The following SNTG1 variants were observed in gnomAD, a reference collection of about 807,000 sequenced individuals.
The protein encoded by SNTG1 is gamma-1-syntrophin.
In SNTG1, 39 loss-of-function variants were observed where a neutral mutation model predicts 74.7. That is an observed-to-expected ratio of 0.52 (90% CI 0.40 to 0.68). SNTG1 has a LOEUF of 0.68. Ranked by LOEUF, SNTG1 falls within the 30% of genes least tolerant of loss-of-function variation. The pLI, the probability that SNTG1 is intolerant of heterozygous loss-of-function variation, is 0.00. For synonymous variants in SNTG1, 254 were observed against 217.1 expected (o/e 1.17, Z -1.49); for missense variants, 685 against 609.5 (o/e 1.12, Z -1.30).
chr8:50,494,279 A>T (rs755497963), intron 8 of SNTG1, among the ~76,000 whole-genome samples: 19 of 152,046 alleles, frequency 1.2e-4, no homozygotes, highest in South Asian at 6.2e-4. Context: ...GCAAAATTTC[A>T]TTTCTCACTT....
intron 18 of SNTG1, among the ~76,000 whole-genome samples, chr8:50,775,098 T>C (rs2095637074): frequency 6.6e-6 from 1 of 151,354 alleles, no homozygotes; most frequent in Non-Finnish European, 1.5e-5. Context: ...ACTTATGATA[T>C]AAAGTGAACA....
intron 13 of SNTG1, among the ~76,000 whole-genome samples, chr8:50,635,206 G>A (rs530130511): frequency 3.3e-5 from 5 of 152,202 alleles, no homozygotes; most frequent in African/African-American, 1.2e-4. Flanking sequence ...ACTAAGCACT[G>A]CCCCTGGGAC....
At chr8:50,054,138 C>G (rs936833994) in intron 1 of SNTG1, among the ~76,000 whole-genome samples, 1 of 152,058 alleles carries the variant, frequency 6.6e-6, no homozygotes. Flanking sequence ...TCTCCAATTT[C>G]AGCATTGGGT....
rs1563761286 is a variant in SNTG1, at chr8:50,701,601, T to TTCTTCTTCTTCTTCTTCTTCC, written c.1039-2982_1039-2981insTTCCTCTTCTTCTTCTTCTTC. ...CTTTTTCTTCCTCTTCTTCTTCTTC[T>TTCTTCTTCTTCTTCTTCTTCC]TCTTCTTCTTCTTCTTCGTGTTCCT... On this transcript the variant is annotated intron_variant, in intron 15 of 18. Transcript: ENST00000642720. Among the ~76,000 whole-genome samples the TTCTTCTTCTTCTTCTTCTTCC allele has an allele frequency of 2.1e-5, 3 of 140,370 alleles. No homozygotes were observed. In the East Asian group the frequency reaches 6.3e-4, roughly 30 times the overall value. 92.1% of individuals were successfully genotyped at this position (140,370 alleles called of 152,430 possible). A position where few individuals can be genotyped will look rare whatever the true frequency, so the allele number is the denominator to read the frequency against.
At position 50,075,288 on chromosome 8, in the gene SNTG1, G is replaced by C. The variant is rs191453949; in HGVS notation, c.-102-97273G>C. Among the ~76,000 whole-genome samples, 1,097 of 152,294 alleles carry C rather than the reference G, an allele frequency of 7.2e-3. 8 individuals are homozygous for C. The highest frequency in any genetic ancestry group is 0.016 in the South Asian group (76 of 4,830). On this transcript the variant is annotated intron_variant, in intron 1 of 18. Coordinates refer to ENST00000642720, the MANE Select transcript of SNTG1 (RefSeq NM_018967.5). ...ACTGACTGACTGGCGGCCCCTGGGT[G>C]GGATCCACTAGGCAAAGCCAGCAAG...
intron 1 of SNTG1, among the ~76,000 whole-genome samples, chr8:50,106,851 G>A (rs939941100): frequency 1.3e-5 from 2 of 151,972 alleles, no homozygotes; most frequent in Admixed American, 6.6e-5. Context: ...CTATATTTTA[G>A]CAAGGAATTT....
At chr8:49,910,593 G>T (rs552044212), upstream of SNTG1, among the ~76,000 whole-genome samples, 5 of 152,200 alleles carry the variant, frequency 3.3e-5, no homozygotes, top group East Asian at 9.7e-4. Flanking sequence ...CTGAGCCCTG[G>T]GTGACAGCAC....
chr8:50,005,315 TAATA>T (rs1447315599), intron 1 of SNTG1, among the ~76,000 whole-genome samples: 1 of 152,018 alleles, frequency 6.6e-6, no homozygotes, highest in Admixed American at 6.5e-5. Flanking sequence ...TTTTTTAAGG[TAATA>T]AATATAAATT....
intron 17 of SNTG1, among the ~76,000 whole-genome samples, chr8:50,722,848 A>T (rs2095491086): frequency 6.6e-6 from 1 of 152,154 alleles, no homozygotes; most frequent in South Asian, 2.1e-4. Context: ...TTATCATTTC[A>T]TATAAATGTC....
intron 17 of SNTG1, among the ~76,000 whole-genome samples, chr8:50,728,475 C>T (rs948343168): frequency 1.3e-5 from 2 of 152,144 alleles, no homozygotes; most frequent in Non-Finnish European, 2.9e-5. Context: ...TGTGTCTATT[C>T]ATGTCTAAAT....
At chr8:49,989,172 T>C (rs2130280753) in intron 1 of SNTG1, among the ~76,000 whole-genome samples, 1 of 152,108 alleles carries the variant, frequency 6.6e-6, no homozygotes, top group Middle Eastern at 3.4e-3. Context: ...GTTGGTTCTC[T>C]GAAATCATTT....
intron 15 of SNTG1, among the ~76,000 whole-genome samples, chr8:50,692,414 A>G (rs1342447027): frequency 6.6e-6 from 1 of 152,022 alleles, no homozygotes; most frequent in East Asian, 1.9e-4. Context: ...ATGGTGACAT[A>G]CAGATGGGTT....
intron 8 of SNTG1, among the ~76,000 whole-genome samples, chr8:50,463,032 G>A (rs1160315753): frequency 6.6e-6 from 1 of 151,992 alleles, no homozygotes; most frequent in African/African-American, 2.4e-5. Flanking sequence ...GGCCAGGCTG[G>A]TCTTGAACTC....
chr8:50,020,756 CT>C (rs1479807608), intron 1 of SNTG1, among the ~76,000 whole-genome samples: 1 of 152,028 alleles, frequency 6.6e-6, no homozygotes, highest in Non-Finnish European at 1.5e-5. Flanking sequence ...AGTGAAAATG[CT>C]TTTATTCTCA....
chr8:50,385,430 C>A (rs1465842273), intron 2 of SNTG1, among the ~76,000 whole-genome samples: 1 of 152,196 alleles, frequency 6.6e-6, no homozygotes, highest in Non-Finnish European at 1.5e-5. Flanking sequence ...CCCCCAGAAA[C>A]TTTGCTGAGG....
chr8:50,304,116 G>C (rs190608049), intron 2 of SNTG1, among the ~76,000 whole-genome samples: 1 of 152,310 alleles, frequency 6.6e-6, no homozygotes, highest in East Asian at 1.9e-4. Context: ...TAGACCCTGA[G>C]GGTTGTGCCC....
chr8:50,539,876 T>C (rs2094334197), intron 11 of SNTG1, among the ~76,000 whole-genome samples: 1 of 152,200 alleles, frequency 6.6e-6, no homozygotes. Context: ...TGTTTTGTTT[T>C]TATTGTACCC....
intron 1 of SNTG1, among the ~76,000 whole-genome samples, chr8:50,134,932 A>G (rs1437897543): frequency 6.6e-6 from 1 of 152,162 alleles, no homozygotes; most frequent in African/African-American, 2.4e-5. Context: ...TTTACAATGA[A>G]AAAAAGGGTC....
chr8:50,339,719 AG>A (rs549796955), intron 2 of SNTG1, among the ~76,000 whole-genome samples: 114 of 152,030 alleles, frequency 7.5e-4, no homozygotes, highest in Non-Finnish European at 1.4e-3. Context: ...GCAGAAAAAG[AG>A]GGGAAAATAA....
Sources: allele counts gnomAD v4.1 joint callset (sites outside exome capture counted in the v4.1 genomes callset), GRCh38; gene constraint gnomAD v4.1.1; transcripts MANE v1.5; gene names NCBI Gene and HGNC (gene_info 2026-07-23, HGNC 2026-07-21).